The following TBL3 variants were observed in gnomAD, a reference collection of about 807,000 sequenced individuals.
TBL3 encodes the protein transducin beta like 3, also known as transducin beta-like protein 3.
Under a neutral mutation model 102.7 loss-of-function variants are expected in TBL3, and 71 were observed. That is an observed-to-expected ratio of 0.69 (90% CI 0.57 to 0.84). The LOEUF (loss-of-function observed/expected upper bound fraction) is 0.84, where lower values mean the gene tolerates loss of function less well. Ranked by LOEUF, TBL3 falls within the 40% of genes least tolerant of loss-of-function variation. TBL3 has a pLI of 0.00. For missense variants in TBL3, 1,188 were observed against 1,098.5 expected, an observed-to-expected ratio of 1.08 and a Z score of -1.15; for synonymous variants, 578 against 477.7, an observed-to-expected ratio of 1.21 and a Z score of -2.74.
Position 1,980,627 on chromosome 16 carries a change from C to T in TBL3, c.*1942C>T, listed in dbSNP as rs1205802641. 3 of 1,597,214 alleles carry T rather than the reference C, an allele frequency of 1.9e-6. No homozygotes were observed. Among genetic ancestry groups the T allele is most frequent in the East Asian group, 4.5e-5 (2 of 44,272 alleles). ...GCGCCCCCAGGCAAGCCACCGCCTT[C>T]CCCGCTCCCGTACCCAGGCTGGCCT... On this transcript the variant is annotated 3_prime_UTR_variant, in exon 22 of 22. Transcript: ENST00000568546.
rs1567325168 is a variant in TBL3, at chr16:1,975,689, C to T, written c.966C>T (p.Arg322=). The T allele has an allele frequency of 6.2e-7, 1 of 1,611,504 alleles. No individual in the cohort carries two copies. ...ADHNLLLYEA[R]SLRLQKQFAG... is the part of the protein sequence containing the mutation. ...ACAACCTGTTGCTCTACGAGGCTCG[C>T]TCCCTGCGGCTGCAGAAACAGGTGC... Residue 322 remains arginine (R), a synonymous_variant, in exon 10 of 22, where the codon CGC becomes CGT. Coordinates refer to ENST00000568546, the MANE Select transcript of TBL3 (RefSeq NM_006453.3).
chr16:1,974,321 A>G (rs111267541), intron 3 of TBL3, 29 bp downstream of exon 3: 1 of 1,584,210 alleles, frequency 6.3e-7, no homozygotes, highest in Non-Finnish European at 8.6e-7. Context: ...GGTGAGGGGC[A>G]AGTGGAGAGG....
chr16:1,975,261 A>T lies in TBL3; in HGVS notation c.710A>T (p.Glu237Val). 1 of 1,613,730 alleles carries T rather than the reference A, an allele frequency of 6.2e-7. No individual in the cohort carries two copies. Among genetic ancestry groups the T allele is most frequent in the Non-Finnish European group, 8.5e-7 (1 of 1,179,994 alleles). Reference sequence around the variant, plus strand: ...GCCACGAGGACCGTGCCTGTGTTTGAGGTGGGGATGCCTGGAGGCCAGGGC... The same window carrying T: ...GCCACGAGGACCGTGCCTGTGTTTGTGGTGGGGATGCCTGGAGGCCAGGGC... ...CQATRTVPVF[E>V]SVEAAVLLPE... Residue 237 changes from glutamate to valine, a missense_variant and splice_region_variant, in exon 8 of 22, where the codon GAG becomes GTG. Glu to Val is a moderately radical substitution (Grantham distance 121, BLOSUM62 -2). Transcript: ENST00000568546.
Position 1,978,791 on chromosome 16 carries a change from G to C in TBL3, c.*106G>C. Reference sequence around the variant, plus strand: ...GGACTGCAGTCCAGCCCCCCACCCTGGCCAACACCCTACCTAGCCAGCCAG... The same window carrying C: ...GGACTGCAGTCCAGCCCCCCACCCTCGCCAACACCCTACCTAGCCAGCCAG... On this transcript the variant is annotated 3_prime_UTR_variant, in exon 22 of 22. Transcript: ENST00000568546. The C allele has an allele frequency of 1.4e-6, 2 of 1,422,954 alleles. No homozygotes were observed. Among genetic ancestry groups the C allele is most frequent in the Non-Finnish European group, 1.9e-6 (2 of 1,049,888 alleles). 88.1% of individuals were successfully genotyped at this position (1,422,954 alleles called of 1,614,324 possible). A position where few individuals can be genotyped will look rare whatever the true frequency, so the allele number is the denominator to read the frequency against.
chr16:1,974,277 G>T lies in TBL3; in HGVS notation c.174G>T (p.Leu58=). Residue 58 remains leucine (L), a synonymous_variant, in exon 3 of 22, where the codon CTG becomes CTT. Coordinates refer to ENST00000568546, the MANE Select transcript of TBL3 (RefSeq NM_006453.3). ...NILEVASGAV[L]RSLEQEDQED... ...TGGAAGTGGCCTCGGGGGCCGTGCT[G>T]CGGAGTCTGGAGCAGGTGAGGGCAG... The T allele has an allele frequency of 6.3e-7, 1 of 1,597,182 alleles. No homozygotes were observed. Among genetic ancestry groups the T allele is most frequent in the South Asian group, 1.1e-5 (1 of 88,818 alleles).
rs753091755 is a variant in TBL3 at position 1,979,119 on chromosome 16, C to T, written c.*434C>T. On this transcript the variant is annotated 3_prime_UTR_variant, in exon 22 of 22. Transcript: ENST00000568546. ...TCGAGGGCGGCCCTGGCGCCGTGGGCGCCGCTCCAGGGCCCTGCGTGTGAC... is the reference window on the plus strand; with the variant it reads ...TCGAGGGCGGCCCTGGCGCCGTGGGTGCCGCTCCAGGGCCCTGCGTGTGAC... The T allele has an allele frequency of 7.4e-6, 11 of 1,487,102 alleles. No individual in the cohort carries two copies. The highest frequency in any genetic ancestry group is 2.7e-5 in the Admixed American group (1 of 37,088). The allele number at this position is 1,487,102 out of a possible 1,614,324, so 92.1% of individuals were successfully genotyped here.
At chr16:1,972,287 G>C (rs2083366448) in intron 1 of TBL3, 82 bp downstream of exon 1, 2 of 1,267,260 alleles carry the variant, frequency 1.6e-6, no homozygotes, top group African/African-American at 3.1e-5. Context: ...GGGTGGGCAC[G>C]CATTGGGGTC....
In TBL3 at chr16:1,979,538, G is replaced by A; in HGVS notation, c.*853G>A. The A allele has an allele frequency of 1.2e-6, 2 of 1,608,622 alleles. No individual in the cohort carries two copies. The highest frequency in any genetic ancestry group is 1.7e-6 in the Non-Finnish European group (2 of 1,177,312). ...CGTAGGCGCGGGAAGCACAGAACTG[G>A]GGACCTGGTGGGAGTGGGTGTTTGG... On this transcript the variant is annotated 3_prime_UTR_variant, in exon 22 of 22. Coordinates refer to ENST00000568546, the MANE Select transcript of TBL3 (RefSeq NM_006453.3).
Position 1,982,597 on chromosome 16 carries a change from C to A in TBL3, c.*3912C>A, listed in dbSNP as rs1473050287. 1 of 152,358 alleles carries A rather than the reference C, an allele frequency of 6.6e-6. No homozygotes were observed. Among genetic ancestry groups the A allele is most frequent in the African/African-American group, 2.4e-5 (1 of 41,418 alleles). 9.4% of individuals were successfully genotyped at this position (152,358 alleles called of 1,614,324 possible). ...TTGCCTGAATAGTACACCCCACCCT[C>A]CATCTGTATGCTCCTCACTTGCCCC... On this transcript the variant is annotated 3_prime_UTR_variant, in exon 22 of 22. Coordinates refer to ENST00000568546, the MANE Select transcript of TBL3 (RefSeq NM_006453.3).
intron 16 of TBL3, 35 bp downstream of exon 16, chr16:1,977,461 G>T: frequency 1.2e-6 from 2 of 1,609,330 alleles, no homozygotes; most frequent in Non-Finnish European, 1.7e-6. Context: ...GATGGAGTGG[G>T]GGGTGGCGGG....
In TBL3 at chr16:1,978,324, C is replaced by T. The variant is rs145453264; in HGVS notation, c.2146C>T (p.Arg716Cys). Reference sequence around the variant, plus strand: ...CCTGTTGCCCACAGAGGCCCTGCTGCGCTTCTGCGTCACGTGGAACACCAA... The same window carrying T: ...CCTGTTGCCCACAGAGGCCCTGCTGTGCTTCTGCGTCACGTGGAACACCAA... ...LRRDQKEALL[R>C]FCVTWNTNSR... Residue 716 changes from arginine to cysteine, a missense_variant, in exon 21 of 22, where the codon CGC becomes TGC. Arg to Cys is a radical substitution (Grantham distance 180). Coordinates refer to ENST00000568546, the MANE Select transcript of TBL3 (RefSeq NM_006453.3). 4.3e-5 allele frequency: 69 copies of T among 1,609,664 alleles called. No individual in the cohort carries two copies. Among genetic ancestry groups the T allele is most frequent in the Middle Eastern group, 1.6e-4 (1 of 6,066 alleles).
chr16:1,973,064 T>G (rs1597046874), intron 1 of TBL3, among the ~76,000 whole-genome samples: 1 of 150,268 alleles, frequency 6.7e-6, no homozygotes, highest in African/African-American at 2.5e-5. Flanking sequence ...GTCTGGGAGG[T>G]GTGTGGGCAG....
rs35637038 is a variant in TBL3, at chr16:1,978,831, T to G, written c.*146T>G. On this transcript the variant is annotated 3_prime_UTR_variant, in exon 22 of 22. Transcript: ENST00000568546. ...TAGCCAGCCAGAAGGGCACTGGAGC[T>G]GATGGTCTCGGCCCTGCCACGCCCA... The G allele has an allele frequency of 0.082, 100,838 of 1,227,076 alleles. 4,772 individuals are homozygous for G. The highest frequency in any genetic ancestry group is 0.092 in the African/African-American group (6,099 of 66,286). 76.0% of individuals were successfully genotyped at this position (1,227,076 alleles called of 1,614,324 possible). A position where few individuals can be genotyped will look rare whatever the true frequency, so the allele number is the denominator to read the frequency against.
Position 1,977,521 on chromosome 16 carries a change from G to A in TBL3, c.1750G>A (p.Asp584Asn). 6.2e-7 allele frequency: 1 copy of A among 1,607,006 alleles called. No individual in the cohort carries two copies. Among genetic ancestry groups the A allele is most frequent in the Middle Eastern group, 1.7e-4 (1 of 6,056 alleles). ...TCCCCACCCCAAACCCAGCGGTTCG[G>A]ATGGCCTCGTGAAGCTCTGGACCAT... is the stretch of plus-strand genomic sequence containing the variant. The part of the protein sequence containing the change: ...RGTQLLSSGS[D>N]GLVKLWTIKN... Residue 584 changes from aspartate (D) to asparagine (N), a missense_variant, in exon 17 of 22, where the codon GAT (aspartate) becomes AAT (asparagine). Asp to Asn is a conservative substitution (Grantham distance 23). Transcript: ENST00000568546.
Position 1,977,428 on chromosome 16 carries a change from TGAGTGGGCTGGGGTGGGGCAGCGATG to T in TBL3, c.1742+10_1742+35del. 6.2e-7 allele frequency: 1 copy of T among 1,605,988 alleles called. No homozygotes were observed. The highest frequency in any genetic ancestry group is 8.5e-7 in the Non-Finnish European group (1 of 1,177,952). The stretch of plus-strand genomic sequence containing the variant: ...CCGTGGCACGCAGCTGCTGTCCAGG[TGAGTGGGCTGGGGTGGGGCAGCGATG>T]GAGTGGGGGGTGGCGGGGGGACCTG... On this transcript the variant is annotated splice_donor_5th_base_variant and intron_variant, in intron 16 of 21. Coordinates refer to ENST00000568546, the MANE Select transcript of TBL3 (RefSeq NM_006453.3).
Position 1,975,793 on chromosome 16 carries a change from C to T in TBL3, c.988-15C>T. 1.9e-6 allele frequency: 3 copies of T among 1,614,132 alleles called. No individual in the cohort carries two copies. Among genetic ancestry groups the T allele is most frequent in the East Asian group, 2.2e-5 (1 of 44,890 alleles). ...AGGTCCTGGCTCACATCTCCTGCTC[C>T]CTGCCACCCCGCAGTTCGCTGGCTA... is the stretch of plus-strand genomic sequence containing the variant. On this transcript the variant is annotated splice_polypyrimidine_tract_variant and intron_variant, in intron 10 of 21. Coordinates refer to ENST00000568546, the MANE Select transcript of TBL3 (RefSeq NM_006453.3).
rs902506384 is a variant in TBL3, at chr16:1,977,702, G to A, written c.1899+32G>A. The A allele has an allele frequency of 2.6e-6, 4 of 1,551,792 alleles. No individual in the cohort carries two copies. The African/African-American group carries it at 4.1e-5, about 16-fold the overall frequency. ...GGCCCCAAGGGCAGGGAAGAGTCGG[G>A]GTGGAGTGGAGGCCCCATCTGACCC... is the stretch of plus-strand genomic sequence containing the variant. On this transcript the variant is annotated intron_variant, in intron 17 of 21. Transcript: ENST00000568546.
Position 1,980,744 on chromosome 16 carries a change from A to G in TBL3, c.*2059A>G, listed in dbSNP as rs1250253659. 2.5e-6 allele frequency: 4 copies of G among 1,588,258 alleles called. No individual in the cohort carries two copies. The Admixed American group carries it at 5.3e-5, about 21-fold the overall frequency. Reference sequence around the variant, plus strand: ...CCTTGAGGGTCTTCTGAGGGCGGGAACCAGGGCATTGGTCTTCCAGAGCCC... The same window carrying G: ...CCTTGAGGGTCTTCTGAGGGCGGGAGCCAGGGCATTGGTCTTCCAGAGCCC... On this transcript the variant is annotated 3_prime_UTR_variant, in exon 22 of 22. Transcript: ENST00000568546.
rs757155284 is a variant in TBL3, at chr16:1,978,371, C to T, written c.2193C>T (p.Ala731=). Residue 731 remains alanine, a synonymous_variant, in exon 21 of 22, where the codon GCC becomes GCT. Coordinates refer to ENST00000568546, the MANE Select transcript of TBL3 (RefSeq NM_006453.3). ...CCAACTCGCGGCACTGCCACGAGGC[C>T]CAGGCCGTGCTGGGTGTGCTCTTGA... The part of the protein sequence containing the change: ...WNTNSRHCHE[A]QAVLGVLLRR... 6.2e-7 allele frequency: 1 copy of T among 1,611,144 alleles called. No individual in the cohort carries two copies. The highest frequency in any genetic ancestry group is 1.3e-5 in the African/African-American group (1 of 74,886).
Sources: gnomAD v4.1 joint callset for allele counts (sites outside exome capture counted in the v4.1 genomes callset) on GRCh38, gnomAD v4.1.1 for gene constraint, MANE v1.5 for transcripts, NCBI Gene and HGNC (gene_info 2026-07-23, HGNC 2026-07-21) for gene names.